The following PROM1 variants were observed in gnomAD, a reference collection of about 807,000 sequenced individuals.
PROM1 encodes the protein prominin 1, also known as prominin-1.
Under a neutral mutation model 116.9 loss-of-function variants are expected in PROM1, and 105 were observed. That is an observed-to-expected ratio of 0.90 (90% CI 0.77 to 1.06). PROM1 has a LOEUF of 1.06. Among genes scored for constraint, PROM1 ranks in the 50% least tolerant of loss-of-function variants. The pLI is 0.00. For synonymous variants in PROM1, 393 were observed against 387.0 expected (o/e 1.02, Z -0.18); for missense variants, 1,122 against 1,045.2 (o/e 1.07, Z -1.01).
Position 16,038,951 on chromosome 4 carries a change from C to A in PROM1, c.271G>T (p.Asp91Tyr). ...ATACACCAATGAAAAATTACCTTGT[C>A]ATAATCAATTTTGGATTCATATGCC... ...QKAYESKIDYDKPETVILGLK... is the reference protein window; with the variant it reads ...QKAYESKIDYYKPETVILGLK... Residue 91 changes from aspartate to tyrosine, a missense_variant, in exon 3 of 28, where the codon GAC becomes TAC. By Grantham distance (160) the Asp-to-Tyr change is radical. Coordinates refer to ENST00000447510, the MANE Select transcript of PROM1 (RefSeq NM_006017.3). 6.7e-7 allele frequency: 1 copy of A among 1,481,890 alleles called. No homozygotes were observed. Among genetic ancestry groups the A allele is most frequent in the Non-Finnish European group, 9.0e-7 (1 of 1,114,236 alleles). 91.8% of individuals were successfully genotyped at this position (1,481,890 alleles called of 1,614,324 possible). A position where few individuals can be genotyped will look rare whatever the true frequency, so the allele number is the denominator to read the frequency against.
intron 15 of PROM1, among the ~76,000 whole-genome samples, chr4:15,997,083 T>C (rs1011582687): frequency 4.0e-5 from 6 of 151,818 alleles, no homozygotes; most frequent in African/African-American, 7.3e-5. Flanking sequence ...CTGTGGCTCA[T>C]AGCAGAGAGC....
At chr4:16,030,215 C>T (rs932855055) in intron 5 of PROM1, among the ~76,000 whole-genome samples, 2 of 151,924 alleles carry the variant, frequency 1.3e-5, no homozygotes, top group Admixed American at 1.3e-4. Flanking sequence ...AAGTTCAAGG[C>T]AAAGAAGCTT....
chr4:16,048,765 T>C (rs1737148430), intron 2 of PROM1, among the ~76,000 whole-genome samples: 2 of 152,164 alleles, frequency 1.3e-5, no homozygotes, highest in Admixed American at 1.3e-4. Flanking sequence ...CGGGAAGCTA[T>C]TCCTGTGAAA....
At chr4:16,019,916 T>C (rs1339342926) in intron 8 of PROM1, among the ~76,000 whole-genome samples, 2 of 150,986 alleles carry the variant, frequency 1.3e-5, no homozygotes, top group African/African-American at 4.9e-5. Flanking sequence ...AATGTTTCCG[T>C]GTTGAGTCTA....
In PROM1 at chr4:15,986,182, AG is replaced by A. The variant is rs1719360362; in HGVS notation, c.2131-146del. On this transcript the variant is annotated intron_variant, in intron 20 of 27. Coordinates refer to ENST00000447510, the MANE Select transcript of PROM1 (RefSeq NM_006017.3). The stretch of plus-strand genomic sequence containing the variant: ...GTTAAGAGGAAGACAGAACCCACCC[AG>A]GCCCCTGAGGGCAGGGAAGGAGATG... 5 of 590,296 alleles carry A rather than the reference AG, an allele frequency of 8.5e-6. No homozygotes were observed. In the East Asian group the frequency reaches 8.5e-5, roughly 10 times the overall value. The allele number at this position is 590,296 out of a possible 1,614,324, so 36.6% of individuals were successfully genotyped here. A position where few individuals can be genotyped will look rare whatever the true frequency, so the allele number is the denominator to read the frequency against.
intron 22 of PROM1, 130 bp from the exon 23 acceptor site, chr4:15,984,485 A>C: frequency 3.4e-6 from 2 of 596,932 alleles, no homozygotes; most frequent in South Asian, 2.8e-5. Flanking sequence ...GGGGTCCCCA[A>C]CTCCTGGGTC....
intron 2 of PROM1, among the ~76,000 whole-genome samples, chr4:16,067,023 C>T (rs1741702187): frequency 6.6e-6 from 1 of 152,120 alleles, no homozygotes; most frequent in Non-Finnish European, 1.5e-5. Flanking sequence ...AGAAGACTGC[C>T]CTATGAAAGT....
Position 15,989,762 on chromosome 4 carries a change from C to T in PROM1, c.2046G>A (p.Gln682=). The T allele has an allele frequency of 6.2e-7, 1 of 1,609,350 alleles. No individual in the cohort carries two copies. Among genetic ancestry groups the T allele is most frequent in the Non-Finnish European group, 8.5e-7 (1 of 1,177,370 alleles). The change falls in exon 19 of 28, where the codon CAG becomes CAA. Residue 682 remains glutamine (Q), a synonymous_variant. Transcript: ENST00000447510. The part of the protein sequence containing the change: ...RDAQTIKTIH[Q]QRVLPIEQSL... ...ATTGTTCTATAGGAAGGACTCGTTG[C>T]TGGTGAATTGTTTTAATAGTTTGTG...
chr4:16,000,391 C>G (rs1412864656), intron 14 of PROM1, 105 bp downstream of exon 14: 1 of 992,176 alleles, frequency 1.0e-6, no homozygotes, highest in Non-Finnish European at 1.3e-6. Flanking sequence ...GAATTTAAAC[C>G]AAACTGCTTA....
intron 23 of PROM1, among the ~76,000 whole-genome samples, chr4:15,981,804 C>A (rs1205461969): frequency 1.3e-5 from 2 of 152,130 alleles, no homozygotes; most frequent in Non-Finnish European, 2.9e-5. Context: ...GTTAAAGTAT[C>A]CTTTTTTAAA....
At chr4:15,988,658 C>T (rs1720127676) in intron 19 of PROM1, among the ~76,000 whole-genome samples, 1 of 152,088 alleles carries the variant, frequency 6.6e-6, no homozygotes, top group African/African-American at 2.4e-5. Context: ...ACAGGTTGCC[C>T]TAGCTCTGAA....
intron 18 of PROM1, among the ~76,000 whole-genome samples, chr4:15,990,347 T>C (rs1016052435): frequency 5.9e-5 from 9 of 152,182 alleles, no homozygotes; most frequent in Non-Finnish European, 1.2e-4. Context: ...GGCGTGCTGC[T>C]TCTTGGACGG....
intron 8 of PROM1, among the ~76,000 whole-genome samples, chr4:16,022,562 G>T (rs1006936221): frequency 1.3e-5 from 2 of 151,798 alleles, no homozygotes; most frequent in Admixed American, 1.3e-4. Flanking sequence ...CAATTTCCAC[G>T]CAATTCTCTT....
intron 11 of PROM1, among the ~76,000 whole-genome samples, chr4:16,012,256 CA>C: frequency 6.6e-6 from 1 of 152,176 alleles, no homozygotes; most frequent in Non-Finnish European, 1.5e-5. Context: ...CTTGGCCTCC[CA>C]AAGTGCTGGG....
In PROM1 at chr4:16,009,002, A is replaced by G; in HGVS notation, c.1248T>C (p.Thr416=). Residue 416 remains threonine, a synonymous_variant, in exon 12 of 28, where the codon ACT becomes ACC. Coordinates refer to ENST00000447510, the MANE Select transcript of PROM1 (RefSeq NM_006017.3). ...GTAAATTTCTGTGGATGTAACTTTC[A>G]GTGTTATTAACATAAACAGAGAATG... ...LSAFSVYVNN[T]ESYIHRNLPT... The G allele has an allele frequency of 6.3e-7, 1 of 1,594,870 alleles. No individual in the cohort carries two copies. Among genetic ancestry groups the G allele is most frequent in the Non-Finnish European group, 8.6e-7 (1 of 1,163,214 alleles).
Position 15,984,366 on chromosome 4 carries a change from G to A in PROM1, c.2281-11C>T. 6.6e-7 allele frequency: 1 copy of A among 1,504,174 alleles called. No individual in the cohort carries two copies. Among genetic ancestry groups the A allele is most frequent in the Non-Finnish European group, 9.0e-7 (1 of 1,113,396 alleles). 93.2% of individuals were successfully genotyped at this position (1,504,174 alleles called of 1,614,324 possible). ...CACTTTCTCACTGATCTAGGGGGGT[G>A]GAAACACAGGGAAACTTTGAGCTGC... is the stretch of plus-strand genomic sequence containing the variant. On this transcript the variant is annotated splice_polypyrimidine_tract_variant and intron_variant, in intron 22 of 27. Coordinates refer to ENST00000447510, the MANE Select transcript of PROM1 (RefSeq NM_006017.3).
intron 8 of PROM1, among the ~76,000 whole-genome samples, chr4:16,020,887 C>T (rs1208682453): frequency 6.6e-6 from 1 of 152,078 alleles, no homozygotes; most frequent in East Asian, 1.9e-4. Context: ...AGTCCAGGCC[C>T]ACCAGGATCA....
intron 10 of PROM1, among the ~76,000 whole-genome samples, chr4:16,015,654 T>C (rs1383873302): frequency 2.0e-5 from 3 of 151,940 alleles, no homozygotes; most frequent in Non-Finnish European, 4.4e-5. Flanking sequence ...CGTACCACTG[T>C]ACTCCATCCT....
At chr4:16,065,457 C>T (rs758360854) in intron 2 of PROM1, among the ~76,000 whole-genome samples, 22 of 152,230 alleles carry the variant, frequency 1.4e-4, no homozygotes, top group Admixed American at 2.6e-4. Context: ...CTCCTCTACA[C>T]AGCTGTGAAC....
Sources: gnomAD v4.1 joint callset for allele counts (sites outside exome capture counted in the v4.1 genomes callset) on GRCh38, gnomAD v4.1.1 for gene constraint, MANE v1.5 for transcripts, NCBI Gene and HGNC (gene_info 2026-07-23, HGNC 2026-07-21) for gene names.